SLC24A2: variants seen among roughly 807,000 people sequenced by gnomAD.
SLC24A2 encodes sodium/potassium/calcium exchanger 2.
In SLC24A2, 36 loss-of-function variants were observed where a neutral mutation model predicts 62.0. The ratio of observed to expected loss-of-function variants is 0.58; its 90% CI spans 0.44 to 0.77. The LOEUF is 0.77. Ranked by LOEUF, SLC24A2 falls within the 30% of genes least tolerant of loss-of-function variation. SLC24A2 has a pLI of 0.00. For missense variants in SLC24A2, 846 were observed against 817.9 expected, an observed-to-expected ratio of 1.03 and a Z score of -0.42; for synonymous variants, 358 against 294.0, an observed-to-expected ratio of 1.22 and a Z score of -2.23.
the SLC24A2 span, among the ~76,000 whole-genome samples, chr9:20,245,281 G>A: frequency 2.3e-4 from 35 of 152,234 alleles, no homozygotes; most frequent in Non-Finnish European, 4.0e-4. Context: ...CAAGTTTCAC[G>A]GGTTACCTAT....
the SLC24A2 span, among the ~76,000 whole-genome samples, chr9:19,852,596 T>C: frequency 1.3e-5 from 2 of 152,170 alleles, no homozygotes; most frequent in African/African-American, 2.4e-5. Context: ...CCATTGCTTG[T>C]TTTTGTCAGG....
chr9:19,845,328 G>A, the SLC24A2 span, among the ~76,000 whole-genome samples: 1 of 152,094 alleles, frequency 6.6e-6, no homozygotes, highest in East Asian at 1.9e-4. Context: ...AAAGTTAGTG[G>A]TGTGTGGAAA....
At chr9:19,647,062 ACGCG>A (rs1289043231) in intron 2 of SLC24A2, among the ~76,000 whole-genome samples, 427 of 31,712 alleles carry the variant, frequency 0.013, 7 homozygotes, top group East Asian at 0.11. Flanking sequence ...ACACACACAC[ACGCG>A]CGCACACACA....
At chr9:19,858,061 A>G in the SLC24A2 span, among the ~76,000 whole-genome samples, 1 of 152,208 alleles carries the variant, frequency 6.6e-6, no homozygotes, top group East Asian at 1.9e-4. Flanking sequence ...ATCCTAAGCC[A>G]AAGGAGCAAA....
the SLC24A2 span, among the ~76,000 whole-genome samples, chr9:20,256,940 AC>A: frequency 4.0e-5 from 6 of 151,870 alleles, no homozygotes; most frequent in Admixed American, 2.0e-4. Flanking sequence ...ACACACACAC[AC>A]ACACACACTT....
At chr9:20,067,788 G>A in the SLC24A2 span, among the ~76,000 whole-genome samples, 1 of 152,114 alleles carries the variant, frequency 6.6e-6, no homozygotes, top group Non-Finnish European at 1.5e-5. Flanking sequence ...ATCCACCACT[G>A]ATGGGCACCT....
chr9:19,865,602 A>C, the SLC24A2 span, among the ~76,000 whole-genome samples: 8 of 152,162 alleles, frequency 5.3e-5, no homozygotes, highest in Non-Finnish European at 1.0e-4. Context: ...ACTGGGGAAA[A>C]GATAGTCTCT....
chr9:19,885,491 C>A, the SLC24A2 span, among the ~76,000 whole-genome samples: 1 of 152,166 alleles, frequency 6.6e-6, no homozygotes, highest in Non-Finnish European at 1.5e-5. Context: ...TATGAAAGTT[C>A]GTTCTTATCC....
chr9:19,552,927 C>T (rs533972398), intron 7 of SLC24A2, among the ~76,000 whole-genome samples: 8 of 152,312 alleles, frequency 5.3e-5, no homozygotes, highest in Non-Finnish European at 1.2e-4. Flanking sequence ...TGAACAGCTT[C>T]CAAAGCTGCA....
the SLC24A2 span, among the ~76,000 whole-genome samples, chr9:20,087,770 C>A: frequency 6.6e-6 from 1 of 152,172 alleles, no homozygotes; most frequent in Non-Finnish European, 1.5e-5. Flanking sequence ...AAGTACAACA[C>A]CTTCAGCTGA....
the SLC24A2 span, among the ~76,000 whole-genome samples, chr9:19,812,078 A>G: frequency 1.3e-5 from 2 of 152,124 alleles, no homozygotes; most frequent in African/African-American, 2.4e-5. Flanking sequence ...ATTTCTTTCA[A>G]TACACCATCT....
At chr9:20,262,207 A>G in the SLC24A2 span, among the ~76,000 whole-genome samples, 1 of 152,214 alleles carries the variant, frequency 6.6e-6, no homozygotes, top group Admixed American at 6.5e-5. Flanking sequence ...ACTTATAAGC[A>G]AATAAAACTG....
the SLC24A2 span, chr9:19,928,686 C>G: frequency 6.6e-6 from 1 of 152,126 alleles, no homozygotes; most frequent in African/African-American, 2.4e-5. Context: ...ATCCTGAGAA[C>G]CCTTTTATAA....
At chr9:19,609,000 A>G (rs1837070938) in intron 4 of SLC24A2, among the ~76,000 whole-genome samples, 1 of 152,188 alleles carries the variant, frequency 6.6e-6, no homozygotes, top group African/African-American at 2.4e-5. Context: ...ACCTCCTTCA[A>G]GAACCTGCTT....
At chr9:19,992,041 G>T in the SLC24A2 span, among the ~76,000 whole-genome samples, 3 of 152,184 alleles carry the variant, frequency 2.0e-5, no homozygotes, top group Non-Finnish European at 2.9e-5. Flanking sequence ...CTATGTTGGG[G>T]CAGCATGTCT....
intron 2 of SLC24A2, chr9:19,705,615 G>C (rs374458943): frequency 4.5e-4 from 104 of 228,682 alleles, no homozygotes; most frequent in African/African-American, 2.3e-3. Flanking sequence ...AAAGGCAAAA[G>C]AGGACAAAAG....
the SLC24A2 span, among the ~76,000 whole-genome samples, chr9:20,151,396 C>T: frequency 6.6e-6 from 1 of 151,896 alleles, no homozygotes; most frequent in African/African-American, 2.4e-5. Flanking sequence ...TTAACACAAT[C>T]AATCTTGTTC....
the SLC24A2 span, among the ~76,000 whole-genome samples, chr9:20,207,195 T>C: frequency 1.3e-5 from 2 of 152,256 alleles, no homozygotes; most frequent in Non-Finnish European, 2.9e-5. Flanking sequence ...ATCTGAAATT[T>C]TCTTGCATTC....
chr9:20,206,883 G>GC, the SLC24A2 span, among the ~76,000 whole-genome samples: 5 of 145,716 alleles, frequency 3.4e-5, no homozygotes, highest in African/African-American at 8.3e-5. Context: ...AACTAAGTTG[G>GC]GGGGGGCGGT....
Sources: gnomAD v4.1 joint callset for allele counts (sites outside exome capture counted in the v4.1 genomes callset) on GRCh38, gnomAD v4.1.1 for gene constraint, MANE v1.5 for transcripts, NCBI Gene and HGNC (gene_info 2026-07-23, HGNC 2026-07-21) for gene names.